PKD1L3: variants seen among roughly 807,000 people sequenced by gnomAD.
The protein encoded by PKD1L3 is polycystin-1-like protein 3.
Under a neutral mutation model 184.1 loss-of-function variants are expected in PKD1L3, and 239 were observed. The observed-to-expected ratio is 1.30, with a 90% CI of 1.17 to 1.45. The LOEUF (loss-of-function observed/expected upper bound fraction) is 1.45. PKD1L3 is among the 40% of genes most tolerant of loss of function. The pLI, the probability that PKD1L3 is intolerant of heterozygous loss-of-function variation, is 0.00. For synonymous variants in PKD1L3, 996 were observed against 778.8 expected, an observed-to-expected ratio of 1.28 and a Z score of -4.64; for missense variants, 2,660 against 2,067.2, an observed-to-expected ratio of 1.29 and a Z score of -5.56.
At chr16:71,953,156 C>A in intron 17 of PKD1L3, 63 bp from the exon 18 acceptor site, 1 of 1,312,678 alleles carries the variant, frequency 7.6e-7, no homozygotes, top group South Asian at 1.8e-5. Flanking sequence ...AAAGTCATTC[C>A]TCTCCTAGGT....
intron 4 of PKD1L3, among the ~76,000 whole-genome samples, chr16:71,989,680 G>T (rs1338734478): frequency 6.6e-6 from 1 of 152,048 alleles, no homozygotes; most frequent in African/African-American, 2.4e-5. Context: ...TTGTATTTTT[G>T]TAAGATGCCA....
rs544403622 is a variant in PKD1L3, at chr16:71,979,893, G to T, written c.1291C>A (p.Pro431Thr). Residue 431 changes from proline (P) to threonine (T), a missense_variant, in exon 9 of 30, where the codon CCG becomes ACG. Pro to Thr is a conservative substitution (Grantham distance 38). Transcript: ENST00000620267. Reference sequence around the variant, plus strand: ...TGACCCAGAGTGTAAGAGCTCAGCGGTAAAGTTGATATGTTTTGTCTAATG... The same window carrying T: ...TGACCCAGAGTGTAAGAGCTCAGCGTTAAAGTTGATATGTTTTGTCTAATG... The part of the protein sequence containing the change: ...LLSRQNISTL[P>T]LSSYTLGHPA... The T allele has an allele frequency of 2.0e-5, 31 of 1,549,652 alleles. 1 individual carries two copies. The South Asian group carries it at 3.6e-4, about 18-fold the overall frequency.
intron 22 of PKD1L3, 55 bp downstream of exon 22, chr16:71,947,437 C>T: frequency 8.6e-7 from 1 of 1,159,450 alleles, no homozygotes; most frequent in South Asian, 1.3e-5. Context: ...GCAAGGTGGC[C>T]AGATCTAATT....
intron 4 of PKD1L3, among the ~76,000 whole-genome samples, chr16:71,989,381 G>A (rs568654898): frequency 6.6e-6 from 1 of 152,310 alleles, no homozygotes; most frequent in East Asian, 1.9e-4. Context: ...TCGAACTCCC[G>A]ACCTCAGGTG....
Position 71,942,543 on chromosome 16 carries a change from G to A in PKD1L3, c.4324+17C>T, listed in dbSNP as rs780514544. ...CTTTGCTACGTGTGGTTGAATTCCA[G>A]GGGTCACTCCAGTTACCTCTCATGA... On this transcript the variant is annotated intron_variant, in intron 24 of 29. Transcript: ENST00000620267. The A allele has an allele frequency of 1.2e-5, 19 of 1,536,928 alleles. No homozygotes were observed. The highest frequency in any genetic ancestry group is 4.1e-5 in the African/African-American group (3 of 72,568).
Position 71,930,202 on chromosome 16 carries a change from C to G in PKD1L3, c.4927-19G>C, listed in dbSNP as rs370476870. On this transcript the variant is annotated intron_variant, in intron 28 of 29. Transcript: ENST00000620267. Reference sequence around the variant, plus strand: ...CGAAAACCTGGGAAAACAATAAGAACACTTGCAGTGACTGACAATTTAGTT... The same window carrying G: ...CGAAAACCTGGGAAAACAATAAGAAGACTTGCAGTGACTGACAATTTAGTT... The G allele has an allele frequency of 4.2e-5, 64 of 1,528,364 alleles. 1 individual carries two copies. Among genetic ancestry groups the G allele is most frequent in the Admixed American group, 3.3e-4 (15 of 44,948 alleles). 94.7% of individuals were successfully genotyped at this position (1,528,364 alleles called of 1,614,324 possible).
Position 71,949,938 on chromosome 16 carries a change from A to C in PKD1L3, c.3463T>G (p.Ser1155Ala), listed in dbSNP as rs1567503884. The change falls in exon 21 of 30, where the codon TCA becomes GCA. Residue 1155 changes from serine to alanine, a missense_variant. Transcript: ENST00000620267. ...AAACCTAAGAGGAGCCAGCAGACTGAAGTCAACCATTTGGACAGGCCATTT... is the reference window on the plus strand; with the variant it reads ...AAACCTAAGAGGAGCCAGCAGACTGCAGTCAACCATTTGGACAGGCCATTT... ...ISNGLSKWLT[S>A]VCWLLLGFTS... is the part of the protein sequence containing the mutation. The C allele has an allele frequency of 1.9e-6, 3 of 1,551,592 alleles. No individual in the cohort carries two copies. In the South Asian group the frequency reaches 3.6e-5, roughly 18 times the overall value.
chr16:71,950,617 C>G (rs1362363923), intron 19 of PKD1L3, among the ~76,000 whole-genome samples: 1 of 152,088 alleles, frequency 6.6e-6, no homozygotes, highest in African/African-American at 2.4e-5. Flanking sequence ...ATTTGAGAAT[C>G]CATAAATTCC....
chr16:71,944,425 A>G (rs2038481542), intron 22 of PKD1L3, among the ~76,000 whole-genome samples: 1 of 152,166 alleles, frequency 6.6e-6, no homozygotes, highest in African/African-American at 2.4e-5. Context: ...CATGCCTGTA[A>G]TTCCAATTCT....
At chr16:71,954,899 T>G (rs565607822) in intron 16 of PKD1L3, among the ~76,000 whole-genome samples, 24 of 152,132 alleles carry the variant, frequency 1.6e-4, no homozygotes, top group African/African-American at 5.5e-4. Flanking sequence ...TAACTGAAAC[T>G]AAAAATGATT....
chr16:71,981,010 T>G (rs982017575), intron 7 of PKD1L3, among the ~76,000 whole-genome samples: 3 of 152,236 alleles, frequency 2.0e-5, no homozygotes, highest in Non-Finnish European at 2.9e-5. Context: ...TTCTTTCACC[T>G]GGCATAATGT....
Position 71,944,161 on chromosome 16 carries a change from G to T in PKD1L3, c.3728C>A (p.Ser1243Tyr), listed in dbSNP as rs1167403151. The T allele has an allele frequency of 2.6e-6, 4 of 1,549,170 alleles. No homozygotes were observed. In the South Asian group the frequency reaches 4.8e-5, roughly 19 times the overall value. ...KRILALLAKC[S>Y]SSVPGSRDKN... Reference sequence around the variant, plus strand: ...ATCTCTTGAACCTGGTACTGACGAAGAACATTTTGCTGTCAAAAATTCAAA... The same window carrying T: ...ATCTCTTGAACCTGGTACTGACGAATAACATTTTGCTGTCAAAAATTCAAA... The change falls in exon 23 of 30, where the codon TCT becomes TAT. Residue 1243 changes from serine to tyrosine, a missense_variant. Coordinates refer to ENST00000620267, the MANE Select transcript of PKD1L3 (RefSeq NM_181536.2).
At chr16:71,962,272 A>G (rs2039310596) in intron 16 of PKD1L3, among the ~76,000 whole-genome samples, 1 of 152,090 alleles carries the variant, frequency 6.6e-6, no homozygotes, top group South Asian at 2.1e-4. Context: ...CCATGAGGAA[A>G]AAGCCGAGAG....
At chr16:71,986,822 T>G (rs1365913052) in intron 4 of PKD1L3, among the ~76,000 whole-genome samples, 1 of 151,766 alleles carries the variant, frequency 6.6e-6, no homozygotes, top group African/African-American at 2.4e-5. Context: ...AAACAAATTA[T>G]GTCACATATT....
intron 11 of PKD1L3, among the ~76,000 whole-genome samples, chr16:71,974,624 C>T (rs1435915792): frequency 6.6e-6 from 1 of 152,190 alleles, no homozygotes; most frequent in African/African-American, 2.4e-5. Flanking sequence ...GCGGAGGCTA[C>T]AGTGAGTGGA....
intron 2 of PKD1L3, 71 bp downstream of exon 2, chr16:71,998,201 C>G (rs2143915986): frequency 6.5e-7 from 1 of 1,531,936 alleles, no homozygotes; most frequent in East Asian, 2.5e-5. Flanking sequence ...CCAATATTCT[C>G]ACATGCACTC....
rs1407634958 is a variant in PKD1L3, at chr16:71,986,425, T to TA, written c.629dup (p.Ser211IlefsTer13). On this transcript the variant is annotated frameshift_variant, in exon 5 of 30. Coordinates refer to ENST00000620267, the MANE Select transcript of PKD1L3 (RefSeq NM_181536.2). LOFTEE classifies it high-confidence loss of function. ...ATGTTACCTGTGATGTGATACTTGA[T>TA]AGTACTGAAGGAAACTGGCTGATGG... is the stretch of plus-strand genomic sequence containing the variant. The TA allele has an allele frequency of 2.5e-5, 39 of 1,551,898 alleles. No individual in the cohort carries two copies. The highest frequency in any genetic ancestry group is 3.2e-5 in the Non-Finnish European group (37 of 1,146,864).
chr16:71,976,206 C>T (rs2143683535), intron 11 of PKD1L3, among the ~76,000 whole-genome samples: 1 of 148,154 alleles, frequency 6.7e-6, no homozygotes, highest in East Asian at 2.0e-4. Context: ...CCTCTGCCTC[C>T]CAAAGTGCTA....
At chr16:71,993,386 G>A in intron 2 of PKD1L3, 54 bp from the exon 3 acceptor site, 1 of 1,168,326 alleles carries the variant, frequency 8.6e-7, no homozygotes, top group Non-Finnish European at 1.2e-6. Context: ...ATGGCTACAA[G>A]TCTATAAAAC....
Sources: gnomAD v4.1 joint callset for allele counts (sites outside exome capture counted in the v4.1 genomes callset) on GRCh38, gnomAD v4.1.1 for gene constraint, MANE v1.5 for transcripts, NCBI Gene and HGNC (gene_info 2026-07-23, HGNC 2026-07-21) for gene names.